Variants in PCDH15 observed in about 807,000 individuals in gnomAD.
The protein encoded by PCDH15 is protocadherin-15.
PCDH15 carries 129 observed loss-of-function variants against 178.5 expected under a neutral mutation model. The ratio of observed to expected loss-of-function variants is 0.72; its 90% CI spans 0.63 to 0.84. PCDH15 has a LOEUF of 0.84. PCDH15 is among the 40% of genes least tolerant of loss of function. PCDH15 has a pLI of 0.00. For synonymous variants in PCDH15, 800 were observed against 732.0 expected (o/e 1.09, Z -1.50); for missense variants, 2,230 against 2,099.9 (o/e 1.06, Z -1.21).
intron 33 of PCDH15, among the ~76,000 whole-genome samples, chr10:53,819,370 C>T (rs1006253328): frequency 2.6e-5 from 4 of 151,744 alleles, no homozygotes; most frequent in Non-Finnish European, 4.4e-5. Flanking sequence ...ATTTTTGTTG[C>T]CTTTTATTTG....
chr10:55,133,416 C>T (rs764229075), intron 2 of PCDH15, among the ~76,000 whole-genome samples: 2 of 152,114 alleles, frequency 1.3e-5, no homozygotes, highest in Non-Finnish European at 2.9e-5. Context: ...CCTTCCCAGC[C>T]TTCTTTTCTG....
chr10:55,116,012 A>G (rs1299096809), intron 2 of PCDH15, among the ~76,000 whole-genome samples: 2 of 152,194 alleles, frequency 1.3e-5, no homozygotes, highest in African/African-American at 4.8e-5. Context: ...GAAAGTAGCT[A>G]GAGTCAGATA....
intron 15 of PCDH15, among the ~76,000 whole-genome samples, chr10:54,119,720 A>C (rs567268356): frequency 6.6e-6 from 1 of 152,294 alleles, no homozygotes; most frequent in East Asian, 1.9e-4. Flanking sequence ...TCAATACTTA[A>C]GAAAATTTTT....
chr10:53,867,665 T>C (rs2079549956), intron 26 of PCDH15, among the ~76,000 whole-genome samples: 1 of 152,126 alleles, frequency 6.6e-6, no homozygotes, highest in African/African-American at 2.4e-5. Context: ...TACCTAATGT[T>C]TGTCTTGCTG....
At chr10:54,736,587 A>C (rs866437879) in intron 1 of PCDH15, among the ~76,000 whole-genome samples, 6 of 152,228 alleles carry the variant, frequency 3.9e-5, no homozygotes, top group Middle Eastern at 6.8e-3. Context: ...TCATCTCGGC[A>C]AAAGGAGAAC....
intron 2 of PCDH15, among the ~76,000 whole-genome samples, chr10:55,064,501 A>G (rs1186118055): frequency 6.6e-6 from 1 of 152,118 alleles, no homozygotes; most frequent in Admixed American, 6.6e-5. Context: ...TATAATCTCT[A>G]TTATATGCTG....
chr10:55,069,165 C>A (rs1001847869), intron 2 of PCDH15, among the ~76,000 whole-genome samples: 1 of 151,112 alleles, frequency 6.6e-6, no homozygotes, highest in African/African-American at 2.4e-5. Context: ...CTTGGCCTCT[C>A]AAAGTGATTA....
chr10:54,087,374 A>C (rs2094531384), intron 16 of PCDH15, among the ~76,000 whole-genome samples: 1 of 152,176 alleles, frequency 6.6e-6, no homozygotes, highest in Admixed American at 6.5e-5. Flanking sequence ...TATTATGAAA[A>C]TTTTATAGAA....
chr10:53,991,479 T>C (rs1207761861), intron 21 of PCDH15, among the ~76,000 whole-genome samples: 4 of 151,600 alleles, frequency 2.6e-5, no homozygotes, highest in Non-Finnish European at 5.9e-5. Flanking sequence ...TAGCTCAAGT[T>C]TGTAAATGCA....
chr10:53,940,899 T>A lies in PCDH15; in HGVS notation c.3199A>T (p.Ile1067Phe). The A allele has an allele frequency of 6.2e-7, 1 of 1,613,604 alleles. No homozygotes were observed. Among genetic ancestry groups the A allele is most frequent in the South Asian group, 1.1e-5 (1 of 91,070 alleles). ...VISAAAINQS[I>F]VYSIVSGNEE... ...TTTCCTGAAACAATGGAGTACACAATACTTTGATTAATGGCAGCAGCAGAA... is the reference window on the plus strand; with the variant it reads ...TTTCCTGAAACAATGGAGTACACAAAACTTTGATTAATGGCAGCAGCAGAA... Residue 1067 changes from isoleucine (I) to phenylalanine (F), a missense_variant, in exon 24 of 38, where the codon ATT becomes TTT. By Grantham distance (21) the Ile-to-Phe change is conservative. Transcript: ENST00000644397.
chr10:53,933,619 T>C (rs1345733676), intron 25 of PCDH15, among the ~76,000 whole-genome samples: 8 of 152,300 alleles, frequency 5.3e-5, no homozygotes, highest in African/African-American at 1.7e-4. Context: ...TTGTGAATAA[T>C]GCCACAATAA....
chr10:54,859,855 C>T (rs7098251), intron 3 of PCDH15, among the ~76,000 whole-genome samples: 53,524 of 151,378 alleles, frequency 0.35, 9,784 homozygotes, highest in Non-Finnish European at 0.4. Context: ...TGTATATCTC[C>T]TTTTCATGTA....
At chr10:53,925,298 C>G (rs188768236) in intron 25 of PCDH15, among the ~76,000 whole-genome samples, 1 of 152,002 alleles carries the variant, frequency 6.6e-6, no homozygotes, top group Non-Finnish European at 1.5e-5. Context: ...ATGGGAGGAA[C>G]GAATAACCCC....
chr10:55,160,737 C>T (rs866353605), intron 2 of PCDH15, among the ~76,000 whole-genome samples: 2 of 152,042 alleles, frequency 1.3e-5, no homozygotes, highest in Admixed American at 1.3e-4. Context: ...TATTTGCTAC[C>T]ATCGCCACCT....
intron 3 of PCDH15, among the ~76,000 whole-genome samples, chr10:54,836,001 T>C (rs1251834664): frequency 1.3e-5 from 2 of 152,302 alleles, no homozygotes; most frequent in Admixed American, 6.5e-5. Flanking sequence ...ACTATTGTCA[T>C]ACGTTTTAAA....
intron 2 of PCDH15, among the ~76,000 whole-genome samples, chr10:54,572,973 A>G (rs1360235632): frequency 3.3e-5 from 5 of 152,098 alleles, no homozygotes; most frequent in Non-Finnish European, 7.4e-5. Context: ...TCAAGTTTTA[A>G]TTATTCATCT....
chr10:53,879,965 C>G (rs929320231), intron 26 of PCDH15, among the ~76,000 whole-genome samples: 1 of 152,164 alleles, frequency 6.6e-6, no homozygotes, highest in African/African-American at 2.4e-5. Context: ...ACTTTATATT[C>G]TATACTTAAA....
chr10:54,424,949 G>GTA (rs1380021070), intron 3 of PCDH15, among the ~76,000 whole-genome samples: 2 of 149,656 alleles, frequency 1.3e-5, no homozygotes, highest in Non-Finnish European at 1.5e-5. Context: ...CATGGCACAT[G>GTA]TATATATATG....
chr10:54,350,831 C>A (rs144518228), intron 5 of PCDH15, among the ~76,000 whole-genome samples: 1 of 151,986 alleles, frequency 6.6e-6, no homozygotes, highest in South Asian at 2.1e-4. Context: ...GGCCTGGACA[C>A]GGTGGCTAAC....
Sources: allele counts gnomAD v4.1 joint callset (sites outside exome capture counted in the v4.1 genomes callset), GRCh38; gene constraint gnomAD v4.1.1; transcripts MANE v1.5; gene names NCBI Gene and HGNC (gene_info 2026-07-23, HGNC 2026-07-21).